The following ATAD2 variants were observed in gnomAD, a reference collection of about 807,000 sequenced individuals.
ATAD2 encodes ATPase family AAA domain-containing protein 2.
A neutral mutation model predicts 168.9 loss-of-function variants in ATAD2; 62 were observed. The ratio of observed to expected loss-of-function variants is 0.37; its 90% CI spans 0.30 to 0.45. The LOEUF (loss-of-function observed/expected upper bound fraction) is 0.45, where lower values mean the gene tolerates loss of function less well. Ranked by LOEUF, ATAD2 falls within the 20% of genes least tolerant of loss-of-function variation. ATAD2 has a pLI of 1.00. For missense variants in ATAD2, 1,419 were observed against 1,667.8 expected (o/e 0.85, Z 2.60); for synonymous variants, 613 against 571.6 (o/e 1.07, Z -1.03).
chr8:123,346,253 T>C lies in ATAD2; in HGVS notation c.2365A>G (p.Met789Val). ...HLNRNACYQP[M>V]SFRPRILIVG... ...ATCAATATTCTTGGTCGAAAAGACA[T>C]AGGTTGGTAACAAGCATTTCTGAAA... Residue 789 changes from methionine (M) to valine (V), a missense_variant, in exon 18 of 28, where the codon ATG (methionine) becomes GTG (valine). Transcript: ENST00000287394. 1 of 1,601,888 alleles carries C rather than the reference T, an allele frequency of 6.2e-7. No homozygotes were observed. Among genetic ancestry groups the C allele is most frequent in the South Asian group, 1.1e-5 (1 of 88,190 alleles).
chr8:123,330,229 A>G (rs780680906), intron 24 of ATAD2, among the ~76,000 whole-genome samples: 1 of 151,918 alleles, frequency 6.6e-6, no homozygotes, highest in African/African-American at 2.4e-5. Flanking sequence ...GCCTCAAGCA[A>G]TCCTACCACC....
At chr8:123,322,906 C>T in intron 27 of ATAD2, 32 bp downstream of exon 27, 1 of 1,600,786 alleles carries the variant, frequency 6.2e-7, no homozygotes, top group Non-Finnish European at 8.5e-7. Context: ...ACCACAAGAG[C>T]ATTTGTAAAA....
chr8:123,357,839 A>C, intron 11 of ATAD2, 103 bp from the exon 12 acceptor site: 4 of 1,176,536 alleles, frequency 3.4e-6, no homozygotes, highest in Non-Finnish European at 4.6e-6. Flanking sequence ...AGAAAATTAA[A>C]ATGTGTAAGA....
intron 12 of ATAD2, among the ~76,000 whole-genome samples, chr8:123,356,715 T>C (rs1049494164): frequency 2.0e-5 from 3 of 151,522 alleles, no homozygotes; most frequent in Non-Finnish European, 4.4e-5. Context: ...TGGCGTGATC[T>C]TGGCTCAGTG....
At chr8:123,415,957 T>C (rs968553764) in intron 1 of ATAD2, among the ~76,000 whole-genome samples, 3 of 152,172 alleles carry the variant, frequency 2.0e-5, no homozygotes, top group African/African-American at 7.2e-5. Context: ...ACAAAATATA[T>C]GATTAACACA....
chr8:123,401,396 T>C, upstream of ATAD2: 1 of 1,386,512 alleles, frequency 7.2e-7, no homozygotes, highest in South Asian at 1.2e-5. Flanking sequence ...GTCTTGGACT[T>C]GTCCGAAGGG....
At chr8:123,325,160 G>C (rs758195340) in intron 26 of ATAD2, among the ~76,000 whole-genome samples, 56 of 143,008 alleles carry the variant, frequency 3.9e-4, no homozygotes, top group Middle Eastern at 3.9e-3. Context: ...TGGAAGGCAC[G>C]ATCTCGGCTT....
chr8:123,322,886 T>C, intron 27 of ATAD2, 52 bp downstream of exon 27: 2 of 1,563,468 alleles, frequency 1.3e-6, no homozygotes, highest in East Asian at 2.3e-5. Context: ...ATAAGTGATA[T>C]ATTAATGTGA....
At chr8:123,394,352 A>C (rs985962969) in intron 1 of ATAD2, among the ~76,000 whole-genome samples, 1 of 152,174 alleles carries the variant, frequency 6.6e-6, no homozygotes, top group African/African-American at 2.4e-5. Context: ...GTATTTGGCC[A>C]AGCAGGGTGG....
chr8:123,409,323 C>T (rs1445220942), intron 1 of ATAD2, among the ~76,000 whole-genome samples: 1 of 152,184 alleles, frequency 6.6e-6, no homozygotes, highest in Non-Finnish European at 1.5e-5. Flanking sequence ...CAACTTCCCA[C>T]CCCCAGTGAT....
chr8:123,364,112 C>T (rs757253448), intron 8 of ATAD2, among the ~76,000 whole-genome samples: 7 of 152,020 alleles, frequency 4.6e-5, no homozygotes, highest in South Asian at 2.1e-4. Flanking sequence ...AAATACATAC[C>T]GCACTTAATG....
intron 13 of ATAD2, among the ~76,000 whole-genome samples, chr8:123,350,111 C>T (rs950575773): frequency 6.6e-6 from 1 of 152,106 alleles, no homozygotes; most frequent in African/African-American, 2.4e-5. Flanking sequence ...ACTGTATATA[C>T]ATTATCAAAG....
chr8:123,366,462 G>A (rs1036276931), intron 8 of ATAD2, among the ~76,000 whole-genome samples: 5 of 152,134 alleles, frequency 3.3e-5, no homozygotes, highest in Non-Finnish European at 7.4e-5. Context: ...ACTTCCACAC[G>A]TATGTTTATA....
At chr8:123,389,749 T>C (rs982153883) in intron 1 of ATAD2, among the ~76,000 whole-genome samples, 5 of 151,220 alleles carry the variant, frequency 3.3e-5, no homozygotes, top group African/African-American at 7.3e-5. Context: ...TGCTGTATTA[T>C]TGGACATTTT....
At chr8:123,370,707 T>C (rs1277425011) in intron 6 of ATAD2, among the ~76,000 whole-genome samples, 196 bp downstream of exon 6, 6 of 152,240 alleles carry the variant, frequency 3.9e-5, no homozygotes, top group Admixed American at 6.5e-5. Context: ...CTTTAGATTG[T>C]TGATTTCAGT....
chr8:123,375,240 T>C (rs977869069), intron 2 of ATAD2, among the ~76,000 whole-genome samples: 9 of 152,230 alleles, frequency 5.9e-5, no homozygotes, highest in African/African-American at 1.4e-4. Flanking sequence ...GGAAATCTTC[T>C]TGACAGAAGA....
At chr8:123,400,648 G>A (rs1274159110), upstream of ATAD2, 7 of 685,482 alleles carry the variant, frequency 1.0e-5, no homozygotes, top group Non-Finnish European at 1.6e-5. This position sits in a 1 kb window ranked among gnomAD's most constrained non-coding sequence, Gnocchi z 4.5. Context: ...GCAGCTCTTC[G>A]CCAGAGCCGA....
chr8:123,347,170 T>C lies in ATAD2; in HGVS notation c.2134A>G (p.Thr712Ala). The C allele has an allele frequency of 6.2e-7, 1 of 1,614,232 alleles. No individual in the cohort carries two copies. Among genetic ancestry groups the C allele is most frequent in the Non-Finnish European group, 8.5e-7 (1 of 1,180,040 alleles). Reference sequence around the variant, plus strand: ...AGGGCTTCTAAAATCTTGTCAACAGTGTTTTGCAGGAGTGGTTTCACAACG... The same window carrying C: ...AGGGCTTCTAAAATCTTGTCAACAGCGTTTTGCAGGAGTGGTTTCACAACG... Reference protein sequence around the residue: ...STVVKPLLQNTVDKILEALQR... With the variant: ...STVVKPLLQNAVDKILEALQR... The change falls in exon 16 of 28, where the codon ACT (threonine) becomes GCT (alanine). Residue 712 changes from threonine (T) to alanine (A), a missense_variant. Physicochemically the swap from Thr to Ala is moderately conservative, Grantham distance 58. Transcript: ENST00000287394.
At chr8:123,375,741 C>T (rs181116435) in intron 2 of ATAD2, among the ~76,000 whole-genome samples, 108 of 152,266 alleles carry the variant, frequency 7.1e-4, no homozygotes, top group African/African-American at 2.5e-3. Context: ...GAGGTCAAGA[C>T]GGGTGAATCA....
Sources: gnomAD v4.1 joint callset for allele counts (sites outside exome capture counted in the v4.1 genomes callset) on GRCh38, gnomAD v4.1.1 for gene constraint, Gnocchi (gnomAD v3.1) non-coding constraint, MANE v1.5 for transcripts, NCBI Gene and HGNC (gene_info 2026-07-23, HGNC 2026-07-21) for gene names.